Variants in ADCY8 observed in about 807,000 individuals in gnomAD.
The protein encoded by ADCY8 is adenylate cyclase type 8.
ADCY8 carries 51 observed loss-of-function variants against 119.7 expected under a neutral mutation model. The observed-to-expected ratio is 0.43, with a 90% CI of 0.34 to 0.54. The LOEUF (loss-of-function observed/expected upper bound fraction) is 0.54, where lower values mean the gene tolerates loss of function less well. ADCY8 is among the 20% of genes least tolerant of loss of function. ADCY8 has a pLI of 0.03. For missense variants in ADCY8, 1,383 were observed against 1,598.8 expected, an observed-to-expected ratio of 0.87 and a Z score of 2.30; for synonymous variants, 665 against 651.0, an observed-to-expected ratio of 1.02 and a Z score of -0.33.
chr8:130,850,759 T>C (rs890921431), intron 9 of ADCY8, among the ~76,000 whole-genome samples: 2 of 152,202 alleles, frequency 1.3e-5, no homozygotes, highest in Non-Finnish European at 2.9e-5. Flanking sequence ...GTTCAGCAAA[T>C]AAAGTTGAAC....
chr8:130,880,621 T>C (rs1264987919), intron 8 of ADCY8, among the ~76,000 whole-genome samples: 1 of 152,180 alleles, frequency 6.6e-6, no homozygotes, highest in Non-Finnish European at 1.5e-5. Flanking sequence ...GCAATAGGTC[T>C]CCTCTCCCCT....
chr8:131,009,567 G>C (rs1459783251), intron 1 of ADCY8, among the ~76,000 whole-genome samples: 1 of 152,186 alleles, frequency 6.6e-6, no homozygotes, highest in Non-Finnish European at 1.5e-5. Context: ...CAGGTATGCA[G>C]AACTGTGAGC....
chr8:130,992,903 A>G (rs1049972854), intron 1 of ADCY8, among the ~76,000 whole-genome samples: 1 of 152,200 alleles, frequency 6.6e-6, no homozygotes, highest in Non-Finnish European at 1.5e-5. Flanking sequence ...ACGTTCAATA[A>G]TCTTAGCAAA....
chr8:130,968,137 T>C (rs1433136848), intron 2 of ADCY8, among the ~76,000 whole-genome samples: 1 of 151,936 alleles, frequency 6.6e-6, no homozygotes, highest in Non-Finnish European at 1.5e-5. Context: ...CTGTAGAGAA[T>C]TTAAAATCAT....
intron 5 of ADCY8, among the ~76,000 whole-genome samples, chr8:130,936,247 G>T (rs143695480): frequency 1.1e-3 from 172 of 152,248 alleles, no homozygotes; most frequent in African/African-American, 3.8e-3. Context: ...GCCACACACA[G>T]CCTAGTTCCA....
At chr8:130,847,102 G>C (rs985738237) in intron 11 of ADCY8, among the ~76,000 whole-genome samples, 1 of 151,812 alleles carries the variant, frequency 6.6e-6, no homozygotes, top group Non-Finnish European at 1.5e-5. Flanking sequence ...AGAAGGAAGA[G>C]ATAAGGGCAA....
chr8:130,894,255 T>C (rs1425200391), intron 7 of ADCY8, among the ~76,000 whole-genome samples: 1 of 152,198 alleles, frequency 6.6e-6, no homozygotes, highest in Non-Finnish European at 1.5e-5. Flanking sequence ...TAGAGCTACA[T>C]TGCTACCTCT....
At chr8:130,839,171 G>C (rs1192462150) in intron 11 of ADCY8, among the ~76,000 whole-genome samples, 1 of 139,094 alleles carries the variant, frequency 7.2e-6, no homozygotes, top group East Asian at 2.2e-4. Flanking sequence ...AGATTTGAAG[G>C]TGTTGCCCTC....
chr8:130,981,270 T>C (rs1586627430), intron 2 of ADCY8, among the ~76,000 whole-genome samples: 1 of 152,192 alleles, frequency 6.6e-6, no homozygotes, highest in African/African-American at 2.4e-5. Flanking sequence ...GTGTGACTCA[T>C]GCAAAATAGT....
At chr8:130,825,549 T>G (rs935086725) in intron 12 of ADCY8, among the ~76,000 whole-genome samples, 1 of 152,220 alleles carries the variant, frequency 6.6e-6, no homozygotes, top group Non-Finnish European at 1.5e-5. Context: ...ACTGATGAGG[T>G]GCACTTGGCC....
chr8:130,810,631 G>GT (rs1207428976), intron 14 of ADCY8, among the ~76,000 whole-genome samples: 2 of 152,218 alleles, frequency 1.3e-5, no homozygotes, highest in African/African-American at 4.8e-5. Context: ...CTGGCATGGA[G>GT]TAGGTGTTCA....
intron 7 of ADCY8, chr8:130,892,342 A>G (rs981468076): frequency 6.7e-6 from 1 of 149,850 alleles, no homozygotes; most frequent in Admixed American, 6.7e-5. Flanking sequence ...CTGGATGCTA[A>G]CTTTGATAGG....
chr8:130,820,473 G>C (rs981712038), intron 13 of ADCY8, among the ~76,000 whole-genome samples: 1 of 152,194 alleles, frequency 6.6e-6, no homozygotes, highest in African/African-American at 2.4e-5. Context: ...ATTTCTACCA[G>C]GGGGTGAGAA....
chr8:130,899,893 C>T (rs537511316), intron 7 of ADCY8, among the ~76,000 whole-genome samples: 58 of 152,338 alleles, frequency 3.8e-4, no homozygotes, highest in African/African-American at 1.4e-3. Flanking sequence ...TAGCCTTGAA[C>T]TTCCTGGATA....
At chr8:130,972,693 C>T (rs1477282906) in intron 2 of ADCY8, among the ~76,000 whole-genome samples, 1 of 152,100 alleles carries the variant, frequency 6.6e-6, no homozygotes, top group African/African-American at 2.4e-5. Context: ...TCTTTCCTGG[C>T]GGTCATTTAG....
At chr8:130,903,584 C>T (rs1352516370) in intron 7 of ADCY8, among the ~76,000 whole-genome samples, 188 bp downstream of exon 7, 1 of 148,566 alleles carries the variant, frequency 6.7e-6, no homozygotes, top group African/African-American at 2.5e-5. Context: ...GCATTTCTGG[C>T]ATTTCCTGAA....
At chr8:130,912,434 G>C (rs1351075052) in intron 5 of ADCY8, among the ~76,000 whole-genome samples, 2 of 152,130 alleles carry the variant, frequency 1.3e-5, no homozygotes, top group Non-Finnish European at 2.9e-5. Context: ...GTCCTCGAAG[G>C]CATTATTCCT....
rs1459566146 is a variant in ADCY8, at chr8:131,035,403, T to C, written c.960+3971A>G. 2.0e-5 allele frequency among the ~76,000 whole-genome samples: 3 copies of C among 152,104 alleles called. No homozygotes were observed. In the East Asian group the frequency reaches 5.8e-4, roughly 29 times the overall value. ...TCTGCTCTAGACAATAATCTCTTTG[T>C]TGGGTGGGAAGTCAATGTTTGTAGT... On this transcript the variant is annotated intron_variant, in intron 1 of 17. Transcript: ENST00000286355.
chr8:130,863,657 C>T (rs958113460), intron 9 of ADCY8, among the ~76,000 whole-genome samples: 5 of 151,888 alleles, frequency 3.3e-5, no homozygotes, highest in African/African-American at 1.2e-4. Context: ...TTAGTGTTTG[C>T]TCAAGAGCTT....
Sources: gnomAD v4.1 joint callset for allele counts (sites outside exome capture counted in the v4.1 genomes callset) on GRCh38, gnomAD v4.1.1 for gene constraint, MANE v1.5 for transcripts, NCBI Gene and HGNC (gene_info 2026-07-23, HGNC 2026-07-21) for gene names.